Variants in CPA3 observed in about 807,000 individuals in gnomAD.
The protein encoded by CPA3 is carboxypeptidase A3.
CPA3 carries 52 observed loss-of-function variants against 55.8 expected under a neutral mutation model. That is an observed-to-expected ratio of 0.93 (90% CI 0.75 to 1.17). The LOEUF is 1.17. Among genes scored for constraint, CPA3 ranks in the 50% most tolerant of loss-of-function variants. The pLI, the probability that CPA3 is intolerant of heterozygous loss-of-function variation, is 0.00. For synonymous variants in CPA3, 179 were observed against 171.2 expected, an observed-to-expected ratio of 1.05 and a Z score of -0.36; for missense variants, 547 against 509.1, an observed-to-expected ratio of 1.07 and a Z score of -0.72.
intron 3 of CPA3, among the ~76,000 whole-genome samples, chr3:148,875,241 A>G (rs528588673): frequency 6.6e-6 from 1 of 151,690 alleles, no homozygotes; most frequent in East Asian, 1.9e-4. Context: ...CTAACAGCAG[A>G]AAAAAAAATA....
At position 148,896,803 on chromosome 3, in the gene CPA3, TCA is replaced by T; in HGVS notation, c.*98_*99del. The stretch of plus-strand genomic sequence containing the variant: ...GTTATCCCCAAATGCAGCTTCTATT[TCA>T]CCTGAATCCTTCTCTTGCTCATTTA... On this transcript the variant is annotated 3_prime_UTR_variant, in exon 11 of 11. Coordinates refer to ENST00000296046, the MANE Select transcript of CPA3 (RefSeq NM_001870.4). 9.8e-7 allele frequency: 1 copy of T among 1,023,018 alleles called. No homozygotes were observed. The highest frequency in any genetic ancestry group is 1.4e-6 in the Non-Finnish European group (1 of 729,200). The allele number at this position is 1,023,018 out of a possible 1,614,324, so 63.4% of individuals were successfully genotyped here.
intron 3 of CPA3, among the ~76,000 whole-genome samples, chr3:148,870,869 C>T (rs1276247271): frequency 6.6e-6 from 1 of 152,174 alleles, no homozygotes; most frequent in East Asian, 1.9e-4. Context: ...GAAATCAACC[C>T]TCTATCTTAA....
Position 148,896,509 on chromosome 3 carries a change from G to T in CPA3, c.1067-11G>T. On this transcript the variant is annotated splice_polypyrimidine_tract_variant and intron_variant, in intron 10 of 10. Transcript: ENST00000296046. The stretch of plus-strand genomic sequence containing the variant: ...GTCTCTAATTAAATATTTACTGCTT[G>T]TGTTTTACAGACCCGATATCAGGTT... 2 of 1,503,050 alleles carry T rather than the reference G, an allele frequency of 1.3e-6. No homozygotes were observed. The highest frequency in any genetic ancestry group is 9.0e-7 in the Non-Finnish European group (1 of 1,109,794). 93.1% of individuals were successfully genotyped at this position (1,503,050 alleles called of 1,614,324 possible).
At chr3:148,889,276 T>A (rs1714608663) in intron 10 of CPA3, among the ~76,000 whole-genome samples, 1 of 152,138 alleles carries the variant, frequency 6.6e-6, no homozygotes. Context: ...GATTAAAGTT[T>A]AGTCATTCCA....
chr3:148,883,473 C>T (rs1307979983), intron 8 of CPA3, 140 bp from the exon 9 acceptor site: 2 of 648,580 alleles, frequency 3.1e-6, no homozygotes, highest in Admixed American at 5.4e-5. Context: ...GACTATGATA[C>T]AAGAGACATT....
chr3:148,886,671 G>A (rs568307785), intron 10 of CPA3, among the ~76,000 whole-genome samples: 3 of 152,164 alleles, frequency 2.0e-5, no homozygotes, highest in East Asian at 3.9e-4. Flanking sequence ...CTCCAGCCTG[G>A]GCAACAGAGC....
chr3:148,886,433 G>C (rs1714531660), intron 10 of CPA3, among the ~76,000 whole-genome samples: 1 of 151,934 alleles, frequency 6.6e-6, no homozygotes, highest in Non-Finnish European at 1.5e-5. Flanking sequence ...ATTAAGTCAA[G>C]ACAGATTTAC....
Position 148,896,928 on chromosome 3 carries a change from G to A in CPA3, c.*221G>A, listed in dbSNP as rs539121245. On this transcript the variant is annotated 3_prime_UTR_variant, in exon 11 of 11. Transcript: ENST00000296046. ...TTTTAACTACCTTTCTTTGCTCCAA[G>A]TGAAGTTTGGACCCAGCAGAAAGCA... The A allele has an allele frequency of 8.1e-6, 3 of 371,622 alleles. No individual in the cohort carries two copies. In the East Asian group the frequency reaches 1.2e-4, roughly 14 times the overall value. 23.0% of individuals were successfully genotyped at this position (371,622 alleles called of 1,614,324 possible). A position where few individuals can be genotyped will look rare whatever the true frequency, so the allele number is the denominator to read the frequency against.
chr3:148,890,080 C>T (rs1251172186), intron 10 of CPA3, among the ~76,000 whole-genome samples: 5 of 151,900 alleles, frequency 3.3e-5, no homozygotes, highest in African/African-American at 1.2e-4. Flanking sequence ...AATTCAGATA[C>T]AGAAATATTT....
chr3:148,886,036 T>C (rs1266013732), intron 9 of CPA3, 57 bp from the exon 10 acceptor site: 13 of 1,195,242 alleles, frequency 1.1e-5, no homozygotes, highest in Non-Finnish European at 1.5e-5. Context: ...TAATTACATA[T>C]TCCTTGGTAT....
chr3:148,877,425 T>G (rs1280033623), intron 3 of CPA3, among the ~76,000 whole-genome samples: 1 of 145,408 alleles, frequency 6.9e-6, no homozygotes, highest in Non-Finnish European at 1.5e-5. Flanking sequence ...ACCCGGGAGG[T>G]GGAGGTTGTG....
At position 148,878,423 on chromosome 3, in the gene CPA3, C is replaced by G. The variant is rs1380889152; in HGVS notation, c.270-18C>G. The G allele has an allele frequency of 3.3e-6, 5 of 1,504,458 alleles. No individual in the cohort carries two copies. Among genetic ancestry groups the G allele is most frequent in the Non-Finnish European group, 3.7e-6 (4 of 1,080,606 alleles). 93.2% of individuals were successfully genotyped at this position (1,504,458 alleles called of 1,614,324 possible). On this transcript the variant is annotated intron_variant, in intron 3 of 10. Transcript: ENST00000296046. ...TCTCATGATAAAACATGTATTTTATCATTCCCCTGTCAAACAGAATCTTGA... is the reference window on the plus strand; with the variant it reads ...TCTCATGATAAAACATGTATTTTATGATTCCCCTGTCAAACAGAATCTTGA...
intron 2 of CPA3, among the ~76,000 whole-genome samples, chr3:148,868,018 C>A (rs1713954031): frequency 6.6e-6 from 1 of 152,166 alleles, no homozygotes. Context: ...GCATCAGCCT[C>A]CCGAGTAGCT....
chr3:148,871,359 C>T (rs778960821), intron 3 of CPA3, among the ~76,000 whole-genome samples: 6 of 152,162 alleles, frequency 3.9e-5, no homozygotes, highest in Non-Finnish European at 7.4e-5. Context: ...TTGGCTTGAA[C>T]AGCAAGGTAA....
chr3:148,881,450 A>G (rs914729278), intron 6 of CPA3, 72 bp from the exon 7 acceptor site: 20 of 875,492 alleles, frequency 2.3e-5, no homozygotes, highest in Admixed American at 2.0e-4. Context: ...AGTTATTACT[A>G]TTATAACCAC....
At position 148,866,457 on chromosome 3, in the gene CPA3, C is replaced by A. The variant is rs137974418; in HGVS notation, c.144+909C>A. The stretch of plus-strand genomic sequence containing the variant: ...CTCCCACAAAGCCAACTCTGCATTG[C>A]AACCTGATTGCTCACTCTAAAACTT... On this transcript the variant is annotated intron_variant, in intron 2 of 10. Coordinates refer to ENST00000296046, the MANE Select transcript of CPA3 (RefSeq NM_001870.4). 4.6e-5 allele frequency among the ~76,000 whole-genome samples: 7 copies of A among 152,358 alleles called. No individual in the cohort carries two copies. In the East Asian group the frequency reaches 1.3e-3, roughly 29 times the overall value.
At chr3:148,874,306 A>G (rs1003122768) in intron 3 of CPA3, among the ~76,000 whole-genome samples, 4 of 152,154 alleles carry the variant, frequency 2.6e-5, no homozygotes, top group African/African-American at 9.7e-5. Context: ...TGACTAATTA[A>G]TACTGCCTTA....
At chr3:148,896,220 T>C (rs1047351644) in intron 10 of CPA3, among the ~76,000 whole-genome samples, 3 of 152,176 alleles carry the variant, frequency 2.0e-5, no homozygotes, top group African/African-American at 7.2e-5. Flanking sequence ...TAGCACTTGC[T>C]CTGGGTACTT....
intron 3 of CPA3, among the ~76,000 whole-genome samples, chr3:148,875,057 A>G (rs754808299): frequency 2.0e-5 from 3 of 152,182 alleles, no homozygotes; most frequent in Non-Finnish European, 4.4e-5. Flanking sequence ...CCAAGATCAC[A>G]TGTTCGTATT....
Sources: gnomAD v4.1 joint callset for allele counts (sites outside exome capture counted in the v4.1 genomes callset) on GRCh38, gnomAD v4.1.1 for gene constraint, MANE v1.5 for transcripts, NCBI Gene and HGNC (gene_info 2026-07-23, HGNC 2026-07-21) for gene names.